Variants in OR8J3 observed in about 807,000 individuals in gnomAD.
OR8J3 encodes the protein olfactory receptor 8J3.
For missense variants in OR8J3, 418 were observed against 379.8 expected (o/e 1.10, Z -0.84); for synonymous variants, 170 against 142.6 (o/e 1.19, Z -1.37).
At position 56,137,003 on chromosome 11, in the gene OR8J3, G is replaced by GA; in HGVS notation, c.715dup (p.Ser239PhefsTer33). On this transcript the variant is annotated frameshift_variant, in exon 2 of 2. Coordinates refer to ENST00000642058, the MANE Select transcript of OR8J3 (RefSeq NM_001004064.2). LOFTEE classifies it low-confidence loss of function (END_TRUNC). ...TGCTATCATATGCGAAGCGCAGGTG[G>GA]AAAAGGCTTTTTTCCTTCCTTCTGG... 2 of 1,613,390 alleles carry GA rather than the reference G, an allele frequency of 1.2e-6. No homozygotes were observed. The highest frequency in any genetic ancestry group is 2.2e-5 in the South Asian group (2 of 90,890).
Position 56,137,252 on chromosome 11 carries a change from G to C in OR8J3, c.467C>G (p.Ala156Gly), listed in dbSNP as rs753542656. ...SLTYLYGFST[A>G]IVVSPCIFSV... ...GAATATACAAGGTGAAACCACAATA[G>C]CTGTAGAAAAGCCATAGAGGTATGT... Residue 156 changes from alanine to glycine, a missense_variant, in exon 2 of 2, where the codon GCT (alanine) becomes GGT (glycine). Transcript: ENST00000642058. 2 of 1,613,932 alleles carry C rather than the reference G, an allele frequency of 1.2e-6. No individual in the cohort carries two copies. The highest frequency in any genetic ancestry group is 1.7e-6 in the Non-Finnish European group (2 of 1,180,006).
Position 56,136,970 on chromosome 11 carries a change from A to G in OR8J3, c.749T>C (p.Val250Ala), listed in dbSNP as rs146359186. The G allele has an allele frequency of 1.2e-6, 2 of 1,613,538 alleles. No homozygotes were observed. Among genetic ancestry groups the G allele is most frequent in the African/African-American group, 1.3e-5 (1 of 75,024 alleles). The part of the protein sequence containing the change: ...TCASHMIAVT[V>A]FYGTMLFMYL... The stretch of plus-strand genomic sequence containing the variant: ...CATAAATAGCATTGTCCCATAGAAA[A>G]CCGTGACTGCTATCATATGCGAAGC... Residue 250 changes from valine (V) to alanine (A), a missense_variant, in exon 2 of 2, where the codon GTT (valine) becomes GCT (alanine). Transcript: ENST00000642058.
At position 56,135,240 on chromosome 11, in the gene OR8J3, G is replaced by A. The variant is rs948107776; in HGVS notation, c.*1531C>T. On this transcript the variant is annotated 3_prime_UTR_variant, in exon 2 of 2. Transcript: ENST00000642058. ...TCAATAGAAGGCCTAACTAGAAAAC[G>A]TATTCAGTGGAATCCAAAGATGACC... 2.7e-5 allele frequency: 4 copies of A among 148,856 alleles called. No individual in the cohort carries two copies. The highest frequency in any genetic ancestry group is 2.2e-4 in the South Asian group (1 of 4,624). The allele number at this position is 148,856 out of a possible 1,614,324, so 9.2% of individuals were successfully genotyped here.
chr11:56,136,882 T>C lies in OR8J3; in HGVS notation c.837A>G (p.Thr279=), dbSNP rs1272683252. 6 of 1,614,064 alleles carry C rather than the reference T, an allele frequency of 3.7e-6. No homozygotes were observed. The highest frequency in any genetic ancestry group is 5.1e-6 in the Non-Finnish European group (6 of 1,179,940). ...AGGGATTCAGCATAGGAATCACCAA[T>C]GTGTAAAACACAGAAGCCATCTTAT... is the stretch of plus-strand genomic sequence containing the variant. ...DTDKMASVFY[T]LVIPMLNPLI... The change falls in exon 2 of 2, where the codon ACA becomes ACG. Residue 279 remains threonine, a synonymous_variant. Coordinates refer to ENST00000642058, the MANE Select transcript of OR8J3 (RefSeq NM_001004064.2).
At chr11:56,139,085 T>A (rs1779711602) in intron 1 of OR8J3, among the ~76,000 whole-genome samples, 1 of 152,192 alleles carries the variant, frequency 6.6e-6, no homozygotes, top group African/African-American at 2.4e-5. Flanking sequence ...TATATTTTAA[T>A]CATGATTATT....
intron 1 of OR8J3, among the ~76,000 whole-genome samples, chr11:56,139,946 C>T (rs1481611940): frequency 6.6e-6 from 1 of 152,154 alleles, no homozygotes; most frequent in African/African-American, 2.4e-5. Context: ...AATGCTGTAA[C>T]GTGCATAGAT....
intron 1 of OR8J3, among the ~76,000 whole-genome samples, chr11:56,139,892 T>C (rs1854372348): frequency 6.6e-6 from 1 of 152,254 alleles, no homozygotes; most frequent in Admixed American, 6.5e-5. Context: ...ACATCTGTTC[T>C]TCATTCAGAT....
In OR8J3 at chr11:56,136,972, C is replaced by T. The variant is rs529152876; in HGVS notation, c.747G>A (p.Thr249=). ...TAAATAGCATTGTCCCATAGAAAAC[C>T]GTGACTGCTATCATATGCGAAGCGC... ...STCASHMIAV[T]VFYGTMLFMY... Residue 249 remains threonine (T), a synonymous_variant, in exon 2 of 2, where the codon ACG becomes ACA. Coordinates refer to ENST00000642058, the MANE Select transcript of OR8J3 (RefSeq NM_001004064.2). 17 of 1,613,480 alleles carry T rather than the reference C, an allele frequency of 1.1e-5. No individual in the cohort carries two copies. The highest frequency in any genetic ancestry group is 6.7e-5 in the East Asian group (3 of 44,862).
chr11:56,137,426 G>A lies in OR8J3; in HGVS notation c.293C>T (p.Ala98Val), dbSNP rs1854344730. ...GAACAAGAACCCTCCCAGTTGGGTG[G>A]CACATTCATAGAATGAGGTAGTTTT... is the stretch of plus-strand genomic sequence containing the variant. ...KKKTTSFYECATQLGGFLFFI... is the reference protein window; with the variant it reads ...KKKTTSFYECVTQLGGFLFFI... The change falls in exon 2 of 2, where the codon GCC (alanine) becomes GTC (valine). Residue 98 changes from alanine (A) to valine (V), a missense_variant. Ala to Val is a moderately conservative substitution (Grantham distance 64, BLOSUM62 0). Transcript: ENST00000642058. 1 of 1,614,194 alleles carries A rather than the reference G, an allele frequency of 6.2e-7. No homozygotes were observed.
rs530612619 is a variant in OR8J3, at chr11:56,135,462, A to G, written c.*1309T>C. ...AAGTAGACTGAATATCTCAACACCA[A>G]GGCAAATTAAAAGATATCCAATCAC... On this transcript the variant is annotated 3_prime_UTR_variant, in exon 2 of 2. Transcript: ENST00000642058. The G allele has an allele frequency of 7.9e-5, 12 of 152,146 alleles. 1 individual carries two copies. In the South Asian group the frequency reaches 2.3e-3, roughly 29 times the overall value. 9.4% of individuals were successfully genotyped at this position (152,146 alleles called of 1,614,324 possible).
chr11:56,136,673 T>C lies in OR8J3; in HGVS notation c.*98A>G. ...TCAATGATCTTTAAATCTTACCTCTTGGTAATTCTTAGGATTGCTTGTAAA... is the reference window on the plus strand; with the variant it reads ...TCAATGATCTTTAAATCTTACCTCTCGGTAATTCTTAGGATTGCTTGTAAA... On this transcript the variant is annotated 3_prime_UTR_variant, in exon 2 of 2. Transcript: ENST00000642058. 3.3e-6 allele frequency: 2 copies of C among 608,556 alleles called. No homozygotes were observed. Among genetic ancestry groups the C allele is most frequent in the Non-Finnish European group, 5.4e-6 (2 of 372,498 alleles). 37.7% of individuals were successfully genotyped at this position (608,556 alleles called of 1,614,324 possible). A position where few individuals can be genotyped will look rare whatever the true frequency, so the allele number is the denominator to read the frequency against.
chr11:56,136,988 T>G lies in OR8J3; in HGVS notation c.731A>C (p.His244Pro). 6.2e-7 allele frequency: 1 copy of G among 1,613,526 alleles called. No individual in the cohort carries two copies. The highest frequency in any genetic ancestry group is 8.5e-7 in the Non-Finnish European group (1 of 1,179,864). ...ATAGAAAACCGTGACTGCTATCATA[T>G]GCGAAGCGCAGGTGGAAAAGGCTTT... is the stretch of plus-strand genomic sequence containing the variant. ...RKKAFSTCAS[H>P]MIAVTVFYGT... The change falls in exon 2 of 2, where the codon CAT becomes CCT. Residue 244 changes from histidine to proline, a missense_variant. His to Pro is a moderately conservative substitution (Grantham distance 77). Coordinates refer to ENST00000642058, the MANE Select transcript of OR8J3 (RefSeq NM_001004064.2).
In OR8J3 at chr11:56,136,461, T is replaced by G; in HGVS notation, c.*310A>C. On this transcript the variant is annotated 3_prime_UTR_variant, in exon 2 of 2. Coordinates refer to ENST00000642058, the MANE Select transcript of OR8J3 (RefSeq NM_001004064.2). ...GTCCACAGAATGAAAAATATTCACT[T>G]TAATTCTCTTGTTCCTATTTTGTTG... The G allele has an allele frequency of 6.0e-6, 1 of 167,330 alleles. No individual in the cohort carries two copies. The highest frequency in any genetic ancestry group is 2.4e-5 in the African/African-American group (1 of 42,218). The allele number at this position is 167,330 out of a possible 1,614,324, so 10.4% of individuals were successfully genotyped here.
Position 56,136,903 on chromosome 11 carries a change from C to A in OR8J3, c.816G>T (p.Lys272Asn). Residue 272 changes from lysine to asparagine, a missense_variant, in exon 2 of 2, where the codon AAG becomes AAT. Physicochemically the swap from Lys to Asn is moderately conservative, Grantham distance 94. Coordinates refer to ENST00000642058, the MANE Select transcript of OR8J3 (RefSeq NM_001004064.2). ...PQTNHSLDTD[K>N]MASVFYTLVI... ...CCAATGTGTAAAACACAGAAGCCAT[C>A]TTATCAGTATCCAGTGAGTGGTTGG... 6.2e-7 allele frequency: 1 copy of A among 1,614,162 alleles called. No homozygotes were observed. Among genetic ancestry groups the A allele is most frequent in the Non-Finnish European group, 8.5e-7 (1 of 1,180,012 alleles).
rs1305495744 is a variant in OR8J3, at chr11:56,136,482, T to C, written c.*289A>G. ...CACTTTAATTCTCTTGTTCCTATTT[T>C]GTTGCTCTGTTAAAACTTAACCTTT... On this transcript the variant is annotated 3_prime_UTR_variant, in exon 2 of 2. Transcript: ENST00000642058. 2 of 183,950 alleles carry C rather than the reference T, an allele frequency of 1.1e-5. No homozygotes were observed. Among genetic ancestry groups the C allele is most frequent in the African/African-American group, 4.7e-5 (2 of 42,818 alleles). The allele number at this position is 183,950 out of a possible 1,614,324, so 11.4% of individuals were successfully genotyped here. A position where few individuals can be genotyped will look rare whatever the true frequency, so the allele number is the denominator to read the frequency against.
intron 1 of OR8J3, among the ~76,000 whole-genome samples, chr11:56,138,856 T>C (rs984794875): frequency 1.3e-5 from 2 of 152,176 alleles, no homozygotes; most frequent in Non-Finnish European, 2.9e-5. Flanking sequence ...TTTCTTTTAA[T>C]TCAATTTTTT....
In OR8J3 at chr11:56,136,651, A is replaced by G. The variant is rs1439350968; in HGVS notation, c.*120T>C. The stretch of plus-strand genomic sequence containing the variant: ...GTTTCCATGTATTTTTTTTAATTCA[A>G]TGATCTTTAAATCTTACCTCTTGGT... On this transcript the variant is annotated 3_prime_UTR_variant, in exon 2 of 2. Coordinates refer to ENST00000642058, the MANE Select transcript of OR8J3 (RefSeq NM_001004064.2). 2 of 534,822 alleles carry G rather than the reference A, an allele frequency of 3.7e-6. No individual in the cohort carries two copies. The highest frequency in any genetic ancestry group is 3.8e-5 in the Admixed American group (1 of 26,550). 33.1% of individuals were successfully genotyped at this position (534,822 alleles called of 1,614,324 possible).
rs1434472170 is a variant in OR8J3 at position 56,137,723 on chromosome 11, G to C, written c.-5C>G. 6.3e-7 allele frequency: 1 copy of C among 1,587,544 alleles called. No individual in the cohort carries two copies. The highest frequency in any genetic ancestry group is 1.9e-5 in the Admixed American group (1 of 53,852). On this transcript the variant is annotated 5_prime_UTR_variant, in exon 2 of 2. Coordinates refer to ENST00000642058, the MANE Select transcript of OR8J3 (RefSeq NM_001004064.2). The stretch of plus-strand genomic sequence containing the variant: ...GGTGAAATTTTCAGGAGCCATGTCA[G>C]AGTTTGGAAATTCATCTGTTTGAGG...
At chr11:56,138,841 T>C (rs1192192890) in intron 1 of OR8J3, among the ~76,000 whole-genome samples, 2 of 152,202 alleles carry the variant, frequency 1.3e-5, no homozygotes, top group Non-Finnish European at 1.5e-5. Context: ...GTTTTTTTCA[T>C]GATTTTTCTT....
Sources: gnomAD v4.1 joint callset for allele counts (sites outside exome capture counted in the v4.1 genomes callset) on GRCh38, gnomAD v4.1.1 for gene constraint, MANE v1.5 for transcripts, NCBI Gene and HGNC (gene_info 2026-07-23, HGNC 2026-07-21) for gene names.